PRDM16: variants seen among roughly 807,000 people sequenced by gnomAD.
The protein encoded by PRDM16 is PR/SET domain 16, also known as histone-lysine N-methyltransferase PRDM16.
In PRDM16, 23 loss-of-function variants were observed where a neutral mutation model predicts 110.6. The ratio of observed to expected loss-of-function variants is 0.21; its 90% CI spans 0.15 to 0.29. The LOEUF is 0.29. PRDM16 is among the 10% of genes least tolerant of loss of function. PRDM16 has a pLI of 1.00. For synonymous variants in PRDM16, 799 were observed against 781.8 expected, an observed-to-expected ratio of 1.02 and a Z score of -0.37; for missense variants, 1,615 against 1,794.3, an observed-to-expected ratio of 0.90 and a Z score of 1.81.
At chr1:3,192,036 G>T (rs961899849) in intron 2 of PRDM16, among the ~76,000 whole-genome samples, 2 of 152,130 alleles carry the variant, frequency 1.3e-5, no homozygotes, top group African/African-American at 4.8e-5. Context: ...GTAGGGTAGG[G>T]AATCACCCAG....
chr1:3,349,876 C>T (rs933341484), intron 3 of PRDM16, among the ~76,000 whole-genome samples: 5 of 152,230 alleles, frequency 3.3e-5, no homozygotes, highest in Admixed American at 6.5e-5. Context: ...CTCCAAAGCC[C>T]GGGGCTGGGC....
rs760177350 is a variant in PRDM16 at position 3,201,635 on chromosome 1, C to G, written c.387+15161C>G. Among the ~76,000 whole-genome samples the G allele has an allele frequency of 6.6e-6, 1 of 152,238 alleles. No individual in the cohort carries two copies. Among genetic ancestry groups the G allele is most frequent in the African/African-American group, 2.4e-5 (1 of 41,460 alleles). On this transcript the variant is annotated intron_variant, in intron 2 of 16. Transcript: ENST00000270722. The surrounding 1 kb of genome is among the most constrained non-coding windows in gnomAD (Gnocchi z 4.1). ...CGGGGGCTGGGAGCCCCGGCTCTGA[C>G]GTTTCTCCAGTGACCCCTGGCAGGT...
At chr1:3,280,477 A>T (rs1338990976) in intron 3 of PRDM16, among the ~76,000 whole-genome samples, 7 of 152,176 alleles carry the variant, frequency 4.6e-5, no homozygotes. Flanking sequence ...CCAACCTCAC[A>T]CCAGAGAAAA....
intron 3 of PRDM16, among the ~76,000 whole-genome samples, chr1:3,331,647 C>G (rs573597274): frequency 6.6e-6 from 1 of 152,314 alleles, no homozygotes; most frequent in African/African-American, 2.4e-5. Flanking sequence ...CCAGAGGAAT[C>G]CTGGTGCCCA....
chr1:3,091,337 T>G (rs1570235116), intron 1 of PRDM16, among the ~76,000 whole-genome samples: 1 of 152,090 alleles, frequency 6.6e-6, no homozygotes, highest in African/African-American at 2.4e-5. Context: ...GCACTGGACT[T>G]GACTTAAGCG....
At position 3,425,933 on chromosome 1, in the gene PRDM16, C is replaced by T; in HGVS notation, c.3110-118C>T. ...AAGAGAACCTCGTGCTCTCCGGTGTCCCTAAGAAACCTGCCTCCCTAACAG... is the reference window on the plus strand; with the variant it reads ...AAGAGAACCTCGTGCTCTCCGGTGTTCCTAAGAAACCTGCCTCCCTAACAG... On this transcript the variant is annotated intron_variant, in intron 13 of 16. Coordinates refer to ENST00000270722, the MANE Select transcript of PRDM16 (RefSeq NM_022114.4). This position sits in a 1 kb window ranked among gnomAD's most constrained non-coding sequence, Gnocchi z 6.9. The T allele has an allele frequency of 7.7e-7, 1 of 1,293,620 alleles. No individual in the cohort carries two copies. Among genetic ancestry groups the T allele is most frequent in the Admixed American group, 2.6e-5 (1 of 39,004 alleles). 80.1% of individuals were successfully genotyped at this position (1,293,620 alleles called of 1,614,324 possible).
In PRDM16 at chr1:3,402,889, G is replaced by A; in HGVS notation, c.775G>A (p.Ala259Thr). The change falls in exon 6 of 17, where the codon GCG becomes ACG. Residue 259 changes from alanine (A) to threonine (T), a missense_variant. By Grantham distance (58) the Ala-to-Thr change is moderately conservative. Coordinates refer to ENST00000270722, the MANE Select transcript of PRDM16 (RefSeq NM_022114.4). Reference sequence around the variant, plus strand: ...GTACACGTGTGGCTCAGTGGGGGCTGCGCTCTACGAGGGCCTGGCTGAGGA... The same window carrying A: ...GTACACGTGTGGCTCAGTGGGGGCTACGCTCTACGAGGGCCTGGCTGAGGA... The part of the protein sequence containing the change: ...KKYTCGSVGA[A>T]LYEGLAEELK... The A allele has an allele frequency of 6.2e-7, 1 of 1,613,066 alleles. No homozygotes were observed. The highest frequency in any genetic ancestry group is 2.2e-5 in the East Asian group (1 of 44,882).
chr1:3,218,635 T>G (rs1266558897), intron 2 of PRDM16, among the ~76,000 whole-genome samples: 2 of 152,242 alleles, frequency 1.3e-5, no homozygotes, highest in African/African-American at 2.4e-5. Flanking sequence ...GCTCTTTCTT[T>G]CTTTGTTCCA....
intron 12 of PRDM16, among the ~76,000 whole-genome samples, chr1:3,419,120 A>C (rs1000431254): frequency 6.6e-6 from 1 of 152,152 alleles, no homozygotes; most frequent in Non-Finnish European, 1.5e-5. Context: ...CACCCAGCCC[A>C]ACTCCGTTCA....
intron 3 of PRDM16, among the ~76,000 whole-genome samples, chr1:3,360,004 G>A (rs557596170): frequency 2.9e-4 from 44 of 152,338 alleles, no homozygotes; most frequent in Non-Finnish European, 5.1e-4. Context: ...AACAGCAAAC[G>A]TAATTAACTC....
Position 3,195,093 on chromosome 1 carries a change from G to A in PRDM16, c.387+8619G>A, listed in dbSNP as rs147404762. On this transcript the variant is annotated intron_variant, in intron 2 of 16. Coordinates refer to ENST00000270722, the MANE Select transcript of PRDM16 (RefSeq NM_022114.4). ...TGGAGCCAGCACCGGGCAGCTCGGC[G>A]AGGCACACAGCGTCGGGATTTGGAG... Among the ~76,000 whole-genome samples the A allele has an allele frequency of 8.4e-4, 128 of 152,314 alleles. 2 individuals are homozygous for A. In the East Asian group the frequency reaches 0.023, roughly 27 times the overall value.
At position 3,244,287 on chromosome 1, in the gene PRDM16, CGT is replaced by C; in HGVS notation, c.438+154_438+155del. 1.4e-6 allele frequency: 1 copy of C among 733,624 alleles called. No individual in the cohort carries two copies. Among genetic ancestry groups the C allele is most frequent in the Admixed American group, 2.1e-5 (1 of 46,528 alleles). The allele number at this position is 733,624 out of a possible 1,614,324, so 45.4% of individuals were successfully genotyped here. The stretch of plus-strand genomic sequence containing the variant: ...GAGCAATGTGTTATCTGTGGACTGA[CGT>C]GTGCACAGGACGGTGGCTTTGCTGT... On this transcript the variant is annotated intron_variant, in intron 3 of 16. Coordinates refer to ENST00000270722, the MANE Select transcript of PRDM16 (RefSeq NM_022114.4). This position sits in a 1 kb window ranked among gnomAD's most constrained non-coding sequence, Gnocchi z 4.1.
intron 3 of PRDM16, among the ~76,000 whole-genome samples, chr1:3,293,131 C>G (rs1332159047): frequency 1.3e-5 from 2 of 152,234 alleles, no homozygotes; most frequent in African/African-American, 4.8e-5. Context: ...GCTCCTGGCA[C>G]TTGGCCGGGG....
chr1:3,322,098 G>A lies in PRDM16; in HGVS notation c.439-63054G>A, dbSNP rs576408859. 5.3e-5 allele frequency among the ~76,000 whole-genome samples: 8 copies of A among 151,592 alleles called. No individual in the cohort carries two copies. In the South Asian group the frequency reaches 6.3e-4, roughly 12 times the overall value. On this transcript the variant is annotated intron_variant, in intron 3 of 16. Transcript: ENST00000270722. Reference sequence around the variant, plus strand: ...TGTGTGAGGCTGCACATATGTGTGCGGCTCTGTGTGATTGTGATATGCACA... The same window carrying A: ...TGTGTGAGGCTGCACATATGTGTGCAGCTCTGTGTGATTGTGATATGCACA...
intron 2 of PRDM16, among the ~76,000 whole-genome samples, chr1:3,210,491 C>T (rs1411847922): frequency 2.0e-5 from 3 of 152,222 alleles, no homozygotes; most frequent in Admixed American, 1.3e-4. Flanking sequence ...TGTGCGTGCA[C>T]GCGTGTGTCT....
intron 3 of PRDM16, among the ~76,000 whole-genome samples, chr1:3,372,557 G>A (rs1642924698): frequency 6.6e-6 from 1 of 152,236 alleles, no homozygotes; most frequent in Non-Finnish European, 1.5e-5. Flanking sequence ...CAAGCCTTTG[G>A]TTTGGGGCTG....
rs1031358413 is a variant in PRDM16 at position 3,435,949 on chromosome 1, C to T, written c.*2138C>T. 3.0e-5 allele frequency: 7 copies of T among 230,214 alleles called. No homozygotes were observed. Among genetic ancestry groups the T allele is most frequent in the East Asian group, 1.2e-4 (2 of 16,262 alleles). 14.3% of individuals were successfully genotyped at this position (230,214 alleles called of 1,614,324 possible). A position where few individuals can be genotyped will look rare whatever the true frequency, so the allele number is the denominator to read the frequency against. Reference sequence around the variant, plus strand: ...CCATGGGGTGGCCCCGCCGGGGCAGCGGGGGAGCTGCCTGCAGAAGAGCCA... The same window carrying T: ...CCATGGGGTGGCCCCGCCGGGGCAGTGGGGGAGCTGCCTGCAGAAGAGCCA... On this transcript the variant is annotated 3_prime_UTR_variant, in exon 17 of 17. Transcript: ENST00000270722.
At chr1:3,296,339 A>C (rs1353126486) in intron 3 of PRDM16, among the ~76,000 whole-genome samples, 2 of 152,156 alleles carry the variant, frequency 1.3e-5, no homozygotes, top group African/African-American at 4.8e-5. Flanking sequence ...AGAGGCAGCC[A>C]GGGAGCTGCA....
intron 2 of PRDM16, among the ~76,000 whole-genome samples, chr1:3,214,556 G>A (rs1017627625): frequency 2.6e-5 from 4 of 152,194 alleles, no homozygotes; most frequent in Non-Finnish European, 4.4e-5. Flanking sequence ...AACTAGCTGG[G>A]TGTGGTTGTG....
Sources: allele counts gnomAD v4.1 joint callset (sites outside exome capture counted in the v4.1 genomes callset), GRCh38; gene constraint gnomAD v4.1.1; non-coding constraint Gnocchi (gnomAD v3.1); transcripts MANE v1.5; gene names NCBI Gene and HGNC (gene_info 2026-07-23, HGNC 2026-07-21).